Variants in RPF2 observed in about 807,000 individuals in gnomAD.
RPF2 encodes the protein ribosome production factor 2 homolog.
Under a neutral mutation model 38.9 loss-of-function variants are expected in RPF2, and 21 were observed. The ratio of observed to expected loss-of-function variants is 0.54; its 90% CI spans 0.38 to 0.78. The LOEUF (loss-of-function observed/expected upper bound fraction) is 0.78, where lower values mean the gene tolerates loss of function less well. Among genes scored for constraint, RPF2 ranks in the 30% least tolerant of loss-of-function variants. RPF2 has a pLI of 0.00. For synonymous variants in RPF2, 121 were observed against 126.2 expected, an observed-to-expected ratio of 0.96 and a Z score of 0.28; for missense variants, 314 against 358.1, an observed-to-expected ratio of 0.88 and a Z score of 0.99.
At chr6:110,985,497 A>C (rs181730226) in intron 2 of RPF2, among the ~76,000 whole-genome samples, 2 of 152,346 alleles carry the variant, frequency 1.3e-5, no homozygotes, top group Non-Finnish European at 2.9e-5. Flanking sequence ...ATATTTAGTC[A>C]TTCAACAACA....
At chr6:110,988,341 T>C (rs1771558481) in intron 2 of RPF2, among the ~76,000 whole-genome samples, 2 of 152,226 alleles carry the variant, frequency 1.3e-5, no homozygotes, top group African/African-American at 2.4e-5. Flanking sequence ...GTCATCATTA[T>C]TACTGTTTCT....
chr6:110,994,279 A>T (rs567776524), intron 4 of RPF2, among the ~76,000 whole-genome samples: 38 of 68,372 alleles, frequency 5.6e-4, no homozygotes, highest in African/African-American at 1.3e-3. Flanking sequence ...CCATCTCAAT[A>T]AAAAAAAAAA....
chr6:111,008,431 C>G (rs923011590), intron 7 of RPF2, among the ~76,000 whole-genome samples: 20 of 151,592 alleles, frequency 1.3e-4, no homozygotes, highest in Admixed American at 1.3e-3. Context: ...CCCTTACCAG[C>G]AGCAGGAAAG....
intron 2 of RPF2, among the ~76,000 whole-genome samples, chr6:110,987,445 T>A (rs558750158): frequency 6.6e-6 from 1 of 152,308 alleles, no homozygotes; most frequent in African/African-American, 2.4e-5. Flanking sequence ...GGCCCATCCC[T>A]TTTTTGAAAT....
At chr6:110,995,641 G>A (rs1771698668) in intron 4 of RPF2, among the ~76,000 whole-genome samples, 1 of 151,954 alleles carries the variant, frequency 6.6e-6, no homozygotes, top group Admixed American at 6.6e-5. Context: ...TCTAATTTTC[G>A]TGCTAAAAGT....
chr6:111,011,720 G>T (rs887113820), intron 7 of RPF2, among the ~76,000 whole-genome samples: 2 of 152,160 alleles, frequency 1.3e-5, no homozygotes, highest in Non-Finnish European at 2.9e-5. Context: ...TATTGTCAGT[G>T]AGGCAGATAC....
chr6:110,982,685 A>G (rs1771453029), intron 1 of RPF2, among the ~76,000 whole-genome samples: 1 of 152,174 alleles, frequency 6.6e-6, no homozygotes, highest in South Asian at 2.1e-4. Flanking sequence ...GTTATCCTTG[A>G]ATGATACCTG....
At chr6:110,995,325 C>T (rs1241737003) in intron 4 of RPF2, among the ~76,000 whole-genome samples, 1 of 152,188 alleles carries the variant, frequency 6.6e-6, no homozygotes, top group Non-Finnish European at 1.5e-5. Flanking sequence ...GGTATTATCC[C>T]TATTGATAAA....
intron 2 of RPF2, among the ~76,000 whole-genome samples, chr6:110,985,707 A>T (rs1771512583): frequency 1.3e-5 from 2 of 152,138 alleles, no homozygotes; most frequent in Non-Finnish European, 2.9e-5. Context: ...TGGGAGGCCG[A>T]GGCAGGAGGA....
chr6:111,020,525 GAA>G (rs1302836092), intron 8 of RPF2, among the ~76,000 whole-genome samples: 1 of 152,154 alleles, frequency 6.6e-6, no homozygotes, highest in Non-Finnish European at 1.5e-5. Flanking sequence ...AAGATACAGA[GAA>G]AATAAAACAA....
In RPF2 at chr6:110,982,062, G is replaced by A. The variant is rs201743692; in HGVS notation, c.-45G>A. 18 of 1,612,392 alleles carry A rather than the reference G, an allele frequency of 1.1e-5. No individual in the cohort carries two copies. The highest frequency in any genetic ancestry group is 1.5e-5 in the Non-Finnish European group (18 of 1,178,588). On this transcript the variant is annotated 5_prime_UTR_variant, in exon 1 of 10. Transcript: ENST00000441448. ...TGTTCCGGCGCACGTAATCGCCGAG[G>A]GCACGTGCATGCCCCCTGGTTAAGA...
At chr6:111,021,746 C>T (rs1772238530) in intron 8 of RPF2, among the ~76,000 whole-genome samples, 1 of 152,170 alleles carries the variant, frequency 6.6e-6, no homozygotes, top group Non-Finnish European at 1.5e-5. Context: ...TAACTTGGCT[C>T]CCCAGGCATT....
At chr6:111,005,154 T>G (rs1177925750) in intron 6 of RPF2, among the ~76,000 whole-genome samples, 1 of 152,202 alleles carries the variant, frequency 6.6e-6, no homozygotes, top group Admixed American at 6.6e-5. Flanking sequence ...CTCCATCTCC[T>G]AAGTATAGAC....
intron 6 of RPF2, among the ~76,000 whole-genome samples, chr6:111,005,516 G>T (rs771733788): frequency 2.0e-5 from 3 of 152,120 alleles, no homozygotes; most frequent in Non-Finnish European, 2.9e-5. Flanking sequence ...ACTTTTTATA[G>T]TAAGAGTTTC....
intron 6 of RPF2, among the ~76,000 whole-genome samples, chr6:111,007,472 C>T (rs1771931739): frequency 6.6e-6 from 1 of 150,628 alleles, no homozygotes; most frequent in South Asian, 2.1e-4. Context: ...CAGCTACTTG[C>T]AGGATGCCTT....
At position 111,011,552 on chromosome 6, in the gene RPF2, G is replaced by A. The variant is rs561032793; in HGVS notation, c.493+3415G>A. 8.5e-5 allele frequency among the ~76,000 whole-genome samples: 13 copies of A among 152,168 alleles called. No individual in the cohort carries two copies. In the South Asian group the frequency reaches 1.2e-3, roughly 15 times the overall value. On this transcript the variant is annotated intron_variant, in intron 7 of 9. Transcript: ENST00000441448. ...ATCTGCCTGCCCTGGCCTCCCAAAAGTGCTGAGATTATAGGTGTGATCCAC... is the reference window on the plus strand; with the variant it reads ...ATCTGCCTGCCCTGGCCTCCCAAAAATGCTGAGATTATAGGTGTGATCCAC...
rs780710044 is a variant in RPF2, at chr6:110,984,959, T to C, written c.24-47T>C. On this transcript the variant is annotated intron_variant, in intron 1 of 9. Transcript: ENST00000441448. ...TATTAGTTAAGTCATGGCTTTGCAATGTGAGGAAAATGTTTAAATAGTTAT... is the reference window on the plus strand; with the variant it reads ...TATTAGTTAAGTCATGGCTTTGCAACGTGAGGAAAATGTTTAAATAGTTAT... 5.1e-6 allele frequency: 8 copies of C among 1,553,552 alleles called. No individual in the cohort carries two copies. The East Asian group carries it at 1.6e-4, about 31-fold the overall frequency.
At chr6:111,014,093 A>G (rs1433402168) in intron 7 of RPF2, among the ~76,000 whole-genome samples, 12 of 149,534 alleles carry the variant, frequency 8.0e-5, no homozygotes, top group Non-Finnish European at 3.0e-5. Context: ...GTGCCTGCCC[A>G]CTTGTGTTTG....
At chr6:111,008,201 G>T (rs1221293920) in intron 7 of RPF2, 64 bp downstream of exon 7, 2 of 1,479,960 alleles carry the variant, frequency 1.4e-6, no homozygotes, top group Admixed American at 2.6e-5. Context: ...ACTCTCACTG[G>T]TGGCACTTTG....
Sources: allele counts gnomAD v4.1 joint callset (sites outside exome capture counted in the v4.1 genomes callset), GRCh38; gene constraint gnomAD v4.1.1; transcripts MANE v1.5; gene names NCBI Gene and HGNC (gene_info 2026-07-23, HGNC 2026-07-21).